The following NEK7 variants were observed in gnomAD, a reference collection of about 807,000 sequenced individuals.
NEK7 encodes NIMA related kinase 7.
In NEK7, 18 loss-of-function variants were observed where a neutral mutation model predicts 44.6. The ratio of observed to expected loss-of-function variants is 0.40; its 90% CI spans 0.28 to 0.60. The LOEUF (loss-of-function observed/expected upper bound fraction) is 0.60, where lower values mean the gene tolerates loss of function less well. Among genes scored for constraint, NEK7 ranks in the 20% least tolerant of loss-of-function variants. NEK7 has a pLI of 0.38. For synonymous variants in NEK7, 130 were observed against 121.1 expected (o/e 1.07, Z -0.48); for missense variants, 256 against 366.5 (o/e 0.70, Z 2.46).
chr1:198,268,652 A>G (rs1259153178), intron 5 of NEK7, among the ~76,000 whole-genome samples: 1 of 152,130 alleles, frequency 6.6e-6, no homozygotes, highest in Non-Finnish European at 1.5e-5. Context: ...ACATCTTTCT[A>G]GGTTTTCACT....
intron 2 of NEK7, among the ~76,000 whole-genome samples, chr1:198,236,812 T>C (rs900380635): frequency 2.6e-5 from 4 of 152,146 alleles, no homozygotes; most frequent in South Asian, 2.1e-4. Flanking sequence ...AACAACAAAA[T>C]GAAACAAAAG....
chr1:198,262,055 A>G (rs902298855), intron 3 of NEK7, among the ~76,000 whole-genome samples: 2 of 151,878 alleles, frequency 1.3e-5, no homozygotes, highest in Non-Finnish European at 2.9e-5. Flanking sequence ...CCTTTTAGAC[A>G]TGATTTGATG....
At chr1:198,182,533 C>G (rs1459655050) in intron 1 of NEK7, among the ~76,000 whole-genome samples, 1 of 152,116 alleles carries the variant, frequency 6.6e-6, no homozygotes, top group East Asian at 1.9e-4. Context: ...TTCTTGCTGC[C>G]AGGCCTGTGG....
At chr1:198,237,788 A>T (rs1333942876) in intron 2 of NEK7, among the ~76,000 whole-genome samples, 1 of 152,108 alleles carries the variant, frequency 6.6e-6, no homozygotes, top group South Asian at 2.1e-4. Context: ...TTGCTCATTC[A>T]TATTCTTCAA....
intron 2 of NEK7, among the ~76,000 whole-genome samples, chr1:198,233,525 A>AT (rs2102876139): frequency 6.6e-6 from 1 of 152,134 alleles, no homozygotes; most frequent in African/African-American, 2.4e-5. Flanking sequence ...CCTTGTCCCA[A>AT]TTTTGTTTGG....
At chr1:198,212,854 C>G (rs1665815437) in intron 1 of NEK7, among the ~76,000 whole-genome samples, 1 of 151,994 alleles carries the variant, frequency 6.6e-6, no homozygotes, top group South Asian at 2.1e-4. Flanking sequence ...AAAAGCACAG[C>G]ACTTAGGAAG....
intron 3 of NEK7, among the ~76,000 whole-genome samples, chr1:198,262,018 A>G (rs1653491352): frequency 6.6e-6 from 1 of 151,768 alleles, no homozygotes; most frequent in Non-Finnish European, 1.5e-5. Context: ...GAATGATATC[A>G]CCCTTGTCAA....
intron 1 of NEK7, among the ~76,000 whole-genome samples, chr1:198,171,644 A>T (rs1352956133): frequency 6.6e-6 from 1 of 150,980 alleles, no homozygotes; most frequent in African/African-American, 2.4e-5. Flanking sequence ...GTGCAACTGC[A>T]CTCCAGCCTG....
At chr1:198,172,506 A>T (rs1664479439) in intron 1 of NEK7, among the ~76,000 whole-genome samples, 1 of 152,154 alleles carries the variant, frequency 6.6e-6, no homozygotes, top group South Asian at 2.1e-4. Flanking sequence ...ACTTAGGAGG[A>T]GCAAACTTTG....
At chr1:198,180,712 A>G (rs538005026) in intron 1 of NEK7, among the ~76,000 whole-genome samples, 2 of 152,246 alleles carry the variant, frequency 1.3e-5, no homozygotes, top group East Asian at 3.9e-4. Flanking sequence ...CAATGAGAAC[A>G]CACATGGAGT....
chr1:198,294,671 C>T (rs536716051), intron 8 of NEK7, among the ~76,000 whole-genome samples: 23 of 152,098 alleles, frequency 1.5e-4, no homozygotes, highest in South Asian at 4.2e-4. Context: ...CTTTGAGAGA[C>T]GGTGTCCCAT....
Position 198,219,650 on chromosome 1 carries a change from C to T in NEK7, c.-28-12903C>T, listed in dbSNP as rs1666030401. Among the ~76,000 whole-genome samples, 4 of 151,904 alleles carry T rather than the reference C, an allele frequency of 2.6e-5. No individual in the cohort carries two copies. The South Asian group carries it at 8.3e-4, about 32-fold the overall frequency. ...AGGTGCATTAAAATCCTAGACTTCA[C>T]CACTGTACACACATTTTAAAACATC... is the stretch of plus-strand genomic sequence containing the variant. On this transcript the variant is annotated intron_variant, in intron 1 of 9. Coordinates refer to ENST00000367385, the MANE Select transcript of NEK7 (RefSeq NM_133494.3).
At chr1:198,292,511 A>G (rs1369339455) in intron 7 of NEK7, among the ~76,000 whole-genome samples, 1 of 152,016 alleles carries the variant, frequency 6.6e-6, no homozygotes, top group Non-Finnish European at 1.5e-5. Flanking sequence ...AAGTTAACAA[A>G]TATGATTTAT....
intron 1 of NEK7, among the ~76,000 whole-genome samples, chr1:198,204,651 G>A (rs1331453300): frequency 4.0e-5 from 6 of 150,766 alleles, no homozygotes; most frequent in African/African-American, 1.5e-4. Flanking sequence ...CCCAGGGGGC[G>A]GAGCCTGCAG....
rs774023349 is a variant in NEK7 at position 198,319,412 on chromosome 1, C to T, written c.799C>T (p.Leu267Phe). ...PLPSDHYSEE[L>F]RQLVNMCINP... Reference sequence around the variant, plus strand: ...TTTTATTGTTTTTCTTTCTTCACAGCTCCGACAGTTAGTTAATATGTGCAT... The same window carrying T: ...TTTTATTGTTTTTCTTTCTTCACAGTTCCGACAGTTAGTTAATATGTGCAT... The change falls in exon 10 of 10, where the codon CTC (leucine) becomes TTC (phenylalanine). Residue 267 changes from leucine to phenylalanine, a missense_variant and splice_region_variant. By Grantham distance (22) the Leu-to-Phe change is conservative (BLOSUM62 0). This residue lies in a region of NEK7 where 58 missense variants were observed against 66.5 expected (regional missense o/e 0.87). Coordinates refer to ENST00000367385, the MANE Select transcript of NEK7 (RefSeq NM_133494.3). 2 of 1,607,516 alleles carry T rather than the reference C, an allele frequency of 1.2e-6. No homozygotes were observed. The highest frequency in any genetic ancestry group is 1.7e-6 in the Non-Finnish European group (2 of 1,176,116).
At chr1:198,251,325 G>C (rs574399203) in intron 2 of NEK7, among the ~76,000 whole-genome samples, 1 of 149,462 alleles carries the variant, frequency 6.7e-6, no homozygotes, top group Non-Finnish European at 1.5e-5. Context: ...AAGGATATTG[G>C]TCTAAAATTC....
At chr1:198,244,652 C>G (rs1478854934) in intron 2 of NEK7, among the ~76,000 whole-genome samples, 1 of 151,846 alleles carries the variant, frequency 6.6e-6, no homozygotes, top group Non-Finnish European at 1.5e-5. Context: ...TAATAAGAAC[C>G]CAGAACAGTA....
At chr1:198,243,800 A>G (rs1209632214) in intron 2 of NEK7, among the ~76,000 whole-genome samples, 4 of 152,138 alleles carry the variant, frequency 2.6e-5, no homozygotes, top group Admixed American at 1.3e-4. Context: ...AATAGGTTAC[A>G]TTTGACATTT....
chr1:198,210,779 G>A (rs542751456), intron 1 of NEK7, among the ~76,000 whole-genome samples: 1 of 106,652 alleles, frequency 9.4e-6, no homozygotes, highest in South Asian at 3.1e-4. Context: ...TTGAGACGGA[G>A]TCTCGCTCTG....
Sources: allele counts gnomAD v4.1 joint callset (sites outside exome capture counted in the v4.1 genomes callset), GRCh38; gene constraint gnomAD v4.1.1; regional missense constraint gnomAD v4.1.1; transcripts MANE v1.5; gene names NCBI Gene and HGNC (gene_info 2026-07-23, HGNC 2026-07-21).